The following NAPA variants were observed in gnomAD, a reference collection of about 807,000 sequenced individuals.
NAPA encodes the protein alpha-soluble NSF attachment protein.
A neutral mutation model predicts 48.0 loss-of-function variants in NAPA; 18 were observed. That is an observed-to-expected ratio of 0.38 (90% CI 0.26 to 0.56). NAPA has a LOEUF of 0.56. Ranked by LOEUF, NAPA falls within the 20% of genes least tolerant of loss-of-function variation. The pLI, the probability that NAPA is intolerant of heterozygous loss-of-function variation, is 0.77. For missense variants in NAPA, 315 were observed against 385.0 expected (o/e 0.82, Z 1.52); for synonymous variants, 152 against 149.9 (o/e 1.01, Z -0.10).
chr19:47,513,846 C>CTTTTTTTTTT (rs776314156), intron 1 of NAPA, among the ~76,000 whole-genome samples: 2 of 115,854 alleles, frequency 1.7e-5, no homozygotes, highest in East Asian at 2.4e-4. Flanking sequence ...TTCTTTCTTT[C>CTTTTTTTTTT]TTTTTTTTTT....
chr19:47,499,704 G>A (rs1376716242), intron 3 of NAPA, among the ~76,000 whole-genome samples: 1 of 152,204 alleles, frequency 6.6e-6, no homozygotes, highest in Non-Finnish European at 1.5e-5. Context: ...GAACTAACAC[G>A]TCAGATCACG....
At chr19:47,512,902 T>C (rs1968832380) in intron 1 of NAPA, 1 of 152,390 alleles carries the variant, frequency 6.6e-6, no homozygotes, top group Non-Finnish European at 1.5e-5. Flanking sequence ...GCCAGGCTCC[T>C]ACCACAGTCT....
At chr19:47,495,322 C>A in intron 4 of NAPA, 1 of 590,648 alleles carries the variant, frequency 1.7e-6, no homozygotes. Flanking sequence ...GAATGAAAAC[C>A]ATGACTGCCT....
intron 3 of NAPA, among the ~76,000 whole-genome samples, chr19:47,500,329 G>A (rs562194800): frequency 1.8e-4 from 27 of 152,286 alleles, no homozygotes; most frequent in African/African-American, 5.5e-4. Context: ...CCCGGCAGGC[G>A]GTGGGTCTGC....
downstream of NAPA, among the ~76,000 whole-genome samples, chr19:47,487,429 C>G (rs1265992580): frequency 1.3e-5 from 2 of 152,158 alleles, no homozygotes; most frequent in Non-Finnish European, 2.9e-5. Flanking sequence ...GATGGGCGCT[C>G]TGGGACTCCC....
intron 4 of NAPA, 80 bp downstream of exon 4, chr19:47,495,469 TG>T (rs1968396244): frequency 7.0e-7 from 1 of 1,435,100 alleles, no homozygotes; most frequent in Non-Finnish European, 9.8e-7. Context: ...AGAACAGTGC[TG>T]GGGGTGCTGA....
At chr19:47,502,725 A>T (rs538600987) in intron 2 of NAPA, among the ~76,000 whole-genome samples, 2 of 152,284 alleles carry the variant, frequency 1.3e-5, no homozygotes, top group South Asian at 4.1e-4. Context: ...GGCTTGTTGG[A>T]CTTCTTGGGC....
rs755871147 is a variant in NAPA, at chr19:47,488,365, G to A, written c.811C>T (p.Arg271Trp). ...ATGGTGGTGAGCCACTGGTCCAGCC[G>A]GGAGATGGAGTCGTATTCCTTCACC... Reference protein sequence around the residue: ...ESVKEYDSISRLDQWLTTMLL... With the variant: ...ESVKEYDSISWLDQWLTTMLL... Residue 271 changes from arginine to tryptophan, a missense_variant, in exon 11 of 11, where the codon CGG becomes TGG. Physicochemically the swap from Arg to Trp is moderately radical, Grantham distance 101 (BLOSUM62 -3). Coordinates refer to ENST00000263354, the MANE Select transcript of NAPA (RefSeq NM_003827.4). The A allele has an allele frequency of 3.1e-6, 5 of 1,613,482 alleles. No homozygotes were observed. The highest frequency in any genetic ancestry group is 2.2e-5 in the East Asian group (1 of 44,844).
chr19:47,513,736 T>G (rs1465322998), intron 1 of NAPA, among the ~76,000 whole-genome samples: 5 of 151,222 alleles, frequency 3.3e-5, no homozygotes, highest in South Asian at 2.1e-4. Flanking sequence ...TCCCCCTGTC[T>G]CTCCCTGTTA....
chr19:47,512,052 G>A (rs1386074551), intron 1 of NAPA, among the ~76,000 whole-genome samples: 2 of 152,092 alleles, frequency 1.3e-5, no homozygotes, highest in African/African-American at 4.8e-5. Context: ...ATGGTCTAAC[G>A]TGGAACTCCC....
intron 1 of NAPA, among the ~76,000 whole-genome samples, chr19:47,508,618 C>T (rs966212056): frequency 4.0e-5 from 6 of 151,708 alleles, no homozygotes; most frequent in African/African-American, 4.8e-5. Context: ...GGCTGAAGTC[C>T]GTTTCAGGTA....
intron 8 of NAPA, 90 bp from the exon 9 acceptor site, chr19:47,490,946 G>A (rs1025135311): frequency 5.1e-6 from 6 of 1,174,210 alleles, no homozygotes; most frequent in African/African-American, 3.0e-5. Flanking sequence ...GGGGATGTCG[G>A]GTGATATTGA....
intron 1 of NAPA, among the ~76,000 whole-genome samples, chr19:47,509,256 G>A (rs905250595): frequency 6.7e-6 from 1 of 150,256 alleles, no homozygotes; most frequent in African/African-American, 2.5e-5. Context: ...TGCCACCCAG[G>A]AATGGGAATT....
At chr19:47,504,701 A>ATG (rs1443379800) in intron 1 of NAPA, among the ~76,000 whole-genome samples, 5 of 152,028 alleles carry the variant, frequency 3.3e-5, no homozygotes, top group South Asian at 4.1e-4. Flanking sequence ...ATGTGTATAT[A>ATG]TGTGTGTATA....
intron 1 of NAPA, among the ~76,000 whole-genome samples, chr19:47,514,391 A>C (rs1329162066): frequency 6.6e-6 from 1 of 151,624 alleles, no homozygotes; most frequent in Non-Finnish European, 1.5e-5. Flanking sequence ...AGGCCCCATC[A>C]CTGCCGCCTG....
At chr19:47,485,726 C>T (rs1034055293), downstream of NAPA, among the ~76,000 whole-genome samples, 1 of 152,150 alleles carries the variant, frequency 6.6e-6, no homozygotes, top group Admixed American at 6.5e-5. Context: ...GACTGGATAA[C>T]GGAGGTGGCA....
At chr19:47,499,498 T>G (rs1323944185) in intron 3 of NAPA, among the ~76,000 whole-genome samples, 2 of 152,238 alleles carry the variant, frequency 1.3e-5, no homozygotes, top group Admixed American at 1.3e-4. Context: ...CGCAGCCTGC[T>G]GTGGCCCAGT....
intron 9 of NAPA, 63 bp downstream of exon 9, chr19:47,490,725 T>C (rs1466083223): frequency 1.4e-6 from 2 of 1,442,178 alleles, no homozygotes; most frequent in Non-Finnish European, 1.9e-6. Context: ...TTGTCCCACC[T>C]GGAGCCCCAG....
chr19:47,490,650 C>CAAAACAAAA, intron 9 of NAPA, 138 bp downstream of exon 9: 1 of 690,184 alleles, frequency 1.4e-6, no homozygotes, highest in African/African-American at 2.0e-5. Flanking sequence ...AATGGCCAAA[C>CAAAACAAAA]AAAACAAAAC....
Sources: gnomAD v4.1 joint callset for allele counts (sites outside exome capture counted in the v4.1 genomes callset) on GRCh38, gnomAD v4.1.1 for gene constraint, MANE v1.5 for transcripts, NCBI Gene and HGNC (gene_info 2026-07-23, HGNC 2026-07-21) for gene names.